SMARCA2: variants seen among roughly 807,000 people sequenced by gnomAD.
SMARCA2 encodes SWI/SNF-related matrix-associated actin-dependent regulator of chromatin subfamily A member 2.
SMARCA2 carries 61 observed loss-of-function variants against 199.8 expected under a neutral mutation model. The observed-to-expected ratio is 0.31, with a 90% CI of 0.25 to 0.38. The LOEUF (loss-of-function observed/expected upper bound fraction) is 0.38. Ranked by LOEUF, SMARCA2 falls within the 10% of genes least tolerant of loss-of-function variation. SMARCA2 has a pLI of 1.00. For missense variants in SMARCA2, 1,344 were observed against 2,012.2 expected (o/e 0.67, Z 6.35); for synonymous variants, 935 against 732.0 (o/e 1.28, Z -4.48).
At chr9:2,084,742 A>G (rs573407222) in intron 17 of SMARCA2, among the ~76,000 whole-genome samples, 1 of 152,036 alleles carries the variant, frequency 6.6e-6, no homozygotes, top group Non-Finnish European at 1.5e-5. Flanking sequence ...TGTTGGAGTT[A>G]CTTAAGGTTG....
intron 17 of SMARCA2, chr9:2,085,866 T>C (rs888809612): frequency 5.3e-5 from 8 of 152,192 alleles, no homozygotes; most frequent in African/African-American, 1.9e-4. Context: ...TTGTAGAGAA[T>C]GGATAGGCTT....
At chr9:2,164,197 T>TAGGA (rs1411564161) in intron 28 of SMARCA2, among the ~76,000 whole-genome samples, 3 of 152,232 alleles carry the variant, frequency 2.0e-5, no homozygotes, top group Non-Finnish European at 4.4e-5. Context: ...GCTGGCTCCA[T>TAGGA]AGCCTTTGAG....
In SMARCA2 at chr9:2,083,280, C is replaced by T. The variant is rs1334510034; in HGVS notation, c.2349-67C>T. The T allele has an allele frequency of 2.9e-6, 3 of 1,032,346 alleles. No homozygotes were observed. In the Admixed American group the frequency reaches 6.7e-5, roughly 23 times the overall value. The allele number at this position is 1,032,346 out of a possible 1,614,324, so 63.9% of individuals were successfully genotyped here. A position where few individuals can be genotyped will look rare whatever the true frequency, so the allele number is the denominator to read the frequency against. Reference sequence around the variant, plus strand: ...GGTGAGGCCTGAACATGAATAAGAACATCTTTTTAACCATTGATTTTTATA... The same window carrying T: ...GGTGAGGCCTGAACATGAATAAGAATATCTTTTTAACCATTGATTTTTATA... On this transcript the variant is annotated intron_variant, in intron 15 of 33. Coordinates refer to ENST00000349721, the MANE Select transcript of SMARCA2 (RefSeq NM_003070.5).
At chr9:2,077,956 A>G (rs1236942173) in intron 14 of SMARCA2, among the ~76,000 whole-genome samples, 180 bp downstream of exon 14, 2 of 152,072 alleles carry the variant, frequency 1.3e-5, no homozygotes, top group East Asian at 1.9e-4. Context: ...CCATGTTACC[A>G]TCTTTACTAG....
Position 2,169,231 on chromosome 9 carries a change from G to A in SMARCA2, c.4200-1188G>A, listed in dbSNP as rs1312202087. Among the ~76,000 whole-genome samples the A allele has an allele frequency of 6.6e-6, 1 of 152,124 alleles. No homozygotes were observed. On this transcript the variant is annotated intron_variant, in intron 28 of 33. Coordinates refer to ENST00000349721, the MANE Select transcript of SMARCA2 (RefSeq NM_003070.5). This position sits in a 1 kb window ranked among gnomAD's most constrained non-coding sequence, Gnocchi z 6.5. ...GCTGGCCTGGCCTGGCAAGCTGCAG[G>A]GTGGACTGCGTGCCCTGCCTCCAGT... is the stretch of plus-strand genomic sequence containing the variant.
rs559642484 is a variant in SMARCA2 at position 2,142,569 on chromosome 9, C to T, written c.3981+18632C>T. On this transcript the variant is annotated intron_variant, in intron 27 of 33. Transcript: ENST00000349721. ...GTTGAGTCTAGTGCAGGAGGTCAGT[C>T]CAAACCAATGGCCTCCTATAAATGT... Among the ~76,000 whole-genome samples, 3 of 152,254 alleles carry T rather than the reference C, an allele frequency of 2.0e-5. No individual in the cohort carries two copies. The East Asian group carries it at 5.8e-4, about 29-fold the overall frequency.
intron 32 of SMARCA2, among the ~76,000 whole-genome samples, chr9:2,191,029 G>A (rs941845083): frequency 1.3e-5 from 2 of 152,148 alleles, no homozygotes; most frequent in African/African-American, 4.8e-5. Context: ...ATGAGACCTC[G>A]GTCCCTCTTG....
At chr9:2,148,901 C>G (rs1466963702) in intron 27 of SMARCA2, among the ~76,000 whole-genome samples, 2 of 151,494 alleles carry the variant, frequency 1.3e-5, no homozygotes, top group Non-Finnish European at 3.0e-5. Context: ...GACCTGGTCT[C>G]CTGGTGTCTC....
At chr9:2,040,372 A>G (rs1023070266) in intron 4 of SMARCA2, 1 of 186,792 alleles carries the variant, frequency 5.4e-6, no homozygotes, top group African/African-American at 2.3e-5. Context: ...GTTGTAAAAT[A>G]ATTATGAGTA....
intron 27 of SMARCA2, among the ~76,000 whole-genome samples, chr9:2,148,720 G>T (rs1563803045): frequency 6.6e-6 from 1 of 151,240 alleles, no homozygotes; most frequent in Non-Finnish European, 1.5e-5. Flanking sequence ...TGTTGCCTAG[G>T]CTGGTCTCTA....
intron 10 of SMARCA2, among the ~76,000 whole-genome samples, chr9:2,071,721 T>C (rs1467047777): frequency 6.6e-6 from 1 of 152,238 alleles, no homozygotes; most frequent in Non-Finnish European, 1.5e-5. Flanking sequence ...TCTACAGTGA[T>C]TTCCAGTTTT....
Position 2,068,655 on chromosome 9 carries a change from A to G in SMARCA2, c.1693-1763A>G, listed in dbSNP as rs372025333. Among the ~76,000 whole-genome samples the G allele has an allele frequency of 2.6e-5, 4 of 152,254 alleles. No homozygotes were observed. The East Asian group carries it at 7.7e-4, about 29-fold the overall frequency. ...TCTGTATCGTCATTTTTTATTTTTA[A>G]TTAACTAAAGAGCCCAAGGGAGGAA... On this transcript the variant is annotated intron_variant, in intron 9 of 33. Transcript: ENST00000349721.
At chr9:2,071,687 G>A (rs1053069200) in intron 10 of SMARCA2, among the ~76,000 whole-genome samples, 2 of 152,084 alleles carry the variant, frequency 1.3e-5, no homozygotes, top group African/African-American at 4.8e-5. Flanking sequence ...CTCATTCAGC[G>A]CTTTTGCCAA....
chr9:2,124,276 C>G (rs1354267454), intron 27 of SMARCA2, among the ~76,000 whole-genome samples: 5 of 152,208 alleles, frequency 3.3e-5, no homozygotes, highest in Admixed American at 1.3e-4. Flanking sequence ...CTCACTCTCT[C>G]CAACTGAGAA....
intron 32 of SMARCA2, among the ~76,000 whole-genome samples, chr9:2,186,811 C>G (rs1827491065): frequency 6.6e-6 from 1 of 152,220 alleles, no homozygotes; most frequent in African/African-American, 2.4e-5. Context: ...TAGGCACAAG[C>G]CGCCACACCT....
Position 2,161,957 on chromosome 9 carries a change from G to A in SMARCA2, c.4199+54G>A, listed in dbSNP as rs373985339. The A allele has an allele frequency of 1.1e-5, 16 of 1,422,418 alleles. No individual in the cohort carries two copies. The highest frequency in any genetic ancestry group is 1.0e-4 in the African/African-American group (7 of 70,144). 88.1% of individuals were successfully genotyped at this position (1,422,418 alleles called of 1,614,324 possible). A position where few individuals can be genotyped will look rare whatever the true frequency, so the allele number is the denominator to read the frequency against. Reference sequence around the variant, plus strand: ...ATCTCTCACCAAGACGCCGAGTGGCGCTCCCTGAGGAGCAGGAGTTGTTAA... The same window carrying A: ...ATCTCTCACCAAGACGCCGAGTGGCACTCCCTGAGGAGCAGGAGTTGTTAA... On this transcript the variant is annotated intron_variant, in intron 28 of 33. Transcript: ENST00000349721. The surrounding 1 kb of genome is among the most constrained non-coding windows in gnomAD (Gnocchi z 4.7).
rs1176208947 is a variant in SMARCA2 at position 2,183,928 on chromosome 9, C to T, written c.4461+1686C>T. ...ATCCAGTCCTTTTTTCTACAACCTT[C>T]CTATCTGTTTTCACTCTGACTGTCT... is the stretch of plus-strand genomic sequence containing the variant. On this transcript the variant is annotated intron_variant, in intron 31 of 33. Coordinates refer to ENST00000349721, the MANE Select transcript of SMARCA2 (RefSeq NM_003070.5). Among the ~76,000 whole-genome samples, 4 of 152,264 alleles carry T rather than the reference C, an allele frequency of 2.6e-5. No individual in the cohort carries two copies. The South Asian group carries it at 6.2e-4, about 24-fold the overall frequency.
In SMARCA2 at chr9:2,146,918, A is replaced by G. The variant is rs562071306; in HGVS notation, c.3982-14768A>G. Reference sequence around the variant, plus strand: ...CTGTTTTATCAGCAAGGTCTTTATGACCTGTATCTTGTGCTGACCTCCCAT... The same window carrying G: ...CTGTTTTATCAGCAAGGTCTTTATGGCCTGTATCTTGTGCTGACCTCCCAT... On this transcript the variant is annotated intron_variant, in intron 27 of 33. Transcript: ENST00000349721. Among the ~76,000 whole-genome samples, 13 of 152,118 alleles carry G rather than the reference A, an allele frequency of 8.5e-5. 2 individuals are homozygous for G. The highest frequency in any genetic ancestry group is 4.2e-4 in the South Asian group (2 of 4,810).
At chr9:2,083,973 GTGTC>G in intron 16 of SMARCA2, 109 bp from the exon 17 acceptor site, 4 of 636,068 alleles carry the variant, frequency 6.3e-6, no homozygotes, top group South Asian at 5.7e-5. Flanking sequence ...ATGAGAATGT[GTGTC>G]TGTGCATTCT....
Sources: gnomAD v4.1 joint callset for allele counts (sites outside exome capture counted in the v4.1 genomes callset) on GRCh38, gnomAD v4.1.1 for gene constraint, Gnocchi (gnomAD v3.1) non-coding constraint, MANE v1.5 for transcripts, NCBI Gene and HGNC (gene_info 2026-07-23, HGNC 2026-07-21) for gene names.